CACNA1A: variants seen among roughly 807,000 people sequenced by gnomAD.
The protein encoded by CACNA1A is calcium voltage-gated channel subunit alpha1 A, also known as voltage-dependent P/Q-type calcium channel subunit alpha-1A.
A neutral mutation model predicts 262.4 loss-of-function variants in CACNA1A; 57 were observed. The ratio of observed to expected loss-of-function variants is 0.22; its 90% CI spans 0.18 to 0.27. The LOEUF (loss-of-function observed/expected upper bound fraction) is 0.27. Ranked by LOEUF, CACNA1A falls within the 10% of genes least tolerant of loss-of-function variation. CACNA1A has a pLI of 1.00. For synonymous variants in CACNA1A, 1,431 were observed against 1,419.3 expected, an observed-to-expected ratio of 1.01 and a Z score of -0.18; for missense variants, 2,526 against 3,562.8, an observed-to-expected ratio of 0.71 and a Z score of 7.41.
At position 13,334,354 on chromosome 19, in the gene CACNA1A, G is replaced by A. The variant is rs757974234; in HGVS notation, c.1198+24C>T. 2.5e-6 allele frequency: 3 copies of A among 1,207,710 alleles called. No homozygotes were observed. In the Admixed American group the frequency reaches 5.0e-5, roughly 20 times the overall value. The allele number at this position is 1,207,710 out of a possible 1,614,324, so 74.8% of individuals were successfully genotyped here. On this transcript the variant is annotated intron_variant, in intron 8 of 46. Transcript: ENST00000360228. ...CCGTGGCCTGGGATCTCCATCCCTG[G>A]GCCCCAGGATGAAAGGGCCTCACCT...
At chr19:13,352,676 G>A (rs2058934184) in intron 6 of CACNA1A, among the ~76,000 whole-genome samples, 1 of 152,174 alleles carries the variant, frequency 6.6e-6, no homozygotes. Flanking sequence ...TGCTGGGAAT[G>A]CTGTTTCCAA....
chr19:13,351,029 G>A (rs933520061), intron 6 of CACNA1A, among the ~76,000 whole-genome samples: 3 of 152,158 alleles, frequency 2.0e-5, no homozygotes, highest in African/African-American at 4.8e-5. Context: ...TGGGAAGAAC[G>A]CTATATAGGC....
At chr19:13,399,326 GCAATTCT>G (rs2059859785) in intron 3 of CACNA1A, among the ~76,000 whole-genome samples, 1 of 151,662 alleles carries the variant, frequency 6.6e-6, no homozygotes, top group African/African-American at 2.4e-5. Flanking sequence ...CGGTTAATGA[GCAATTCT>G]GACTTCCTCC....
intron 3 of CACNA1A, among the ~76,000 whole-genome samples, chr19:13,418,568 A>G (rs2075668220): frequency 6.6e-6 from 1 of 152,160 alleles, no homozygotes; most frequent in African/African-American, 2.4e-5. Flanking sequence ...ATGACACAGC[A>G]GAAGAGGGAA....
At chr19:13,300,431 T>C in intron 18 of CACNA1A, 119 bp downstream of exon 18, 2 of 708,560 alleles carry the variant, frequency 2.8e-6, no homozygotes, top group South Asian at 3.4e-5. Context: ...GGACAAGAAG[T>C]GTCTCTTCCT....
chr19:13,362,753 TCTAA>T (rs1181877356), intron 5 of CACNA1A: 2 of 152,166 alleles, frequency 1.3e-5, no homozygotes, highest in Admixed American at 1.3e-4. Context: ...TCTTGTTTCC[TCTAA>T]CTATTTTGGA....
Position 13,308,176 on chromosome 19 carries a change from G to C in CACNA1A, c.1857C>G (p.Leu619=). 1.2e-6 allele frequency: 2 copies of C among 1,614,008 alleles called. No homozygotes were observed. The highest frequency in any genetic ancestry group is 1.7e-6 in the Non-Finnish European group (2 of 1,179,876). The part of the protein sequence containing the change: ...SMKSIISLLF[L]LFLFIVVFAL... Reference sequence around the variant, plus strand: ...CGAAGACGACAATGAACAGGAAAAGGAGAAACAACAGGCTGATGATGGACT... The same window carrying C: ...CGAAGACGACAATGAACAGGAAAAGCAGAAACAACAGGCTGATGATGGACT... The change falls in exon 14 of 47, where the codon CTC becomes CTG. Residue 619 remains leucine, a synonymous_variant. Transcript: ENST00000360228. This position sits in a 1 kb window ranked among gnomAD's most constrained non-coding sequence, Gnocchi z 4.2.
At chr19:13,494,936 A>C (rs1981317162) in intron 1 of CACNA1A, among the ~76,000 whole-genome samples, 1 of 152,130 alleles carries the variant, frequency 6.6e-6, no homozygotes, top group South Asian at 2.1e-4. Flanking sequence ...ACACAGAGAA[A>C]AACCATATCA....
At chr19:13,240,149 TAAAA>T (rs60352550) in intron 31 of CACNA1A, among the ~76,000 whole-genome samples, 2 of 119,764 alleles carry the variant, frequency 1.7e-5, no homozygotes, top group Admixed American at 8.2e-5. Context: ...AGACTCTGTC[TAAAA>T]AAAAAAAAAA....
At chr19:13,349,678 G>C (rs1163978770) in intron 6 of CACNA1A, among the ~76,000 whole-genome samples, 1 of 152,218 alleles carries the variant, frequency 6.6e-6, no homozygotes, top group East Asian at 1.9e-4. Flanking sequence ...GGCAGAATCT[G>C]AGGATGTTGA....
rs150752041 is a variant in CACNA1A, at chr19:13,440,203, A to G, written c.539+12673T>C. 4.3e-4 allele frequency among the ~76,000 whole-genome samples: 65 copies of G among 152,232 alleles called. No individual in the cohort carries two copies. The East Asian group carries it at 0.011, about 25-fold the overall frequency. ...CAAACTCCTGGGCTTGGCTCAAGCT[A>G]TCCTCCTGCCTTGGCGTCCCAAAGT... On this transcript the variant is annotated intron_variant, in intron 3 of 46. Transcript: ENST00000360228.
chr19:13,377,454 G>A (rs1222601223), intron 3 of CACNA1A, among the ~76,000 whole-genome samples: 2 of 150,164 alleles, frequency 1.3e-5, no homozygotes, highest in Non-Finnish European at 3.0e-5. Flanking sequence ...CTGTCTTCAA[G>A]AGGGTTCAAG....
At chr19:13,253,736 C>A (rs1449668756) in intron 29 of CACNA1A, among the ~76,000 whole-genome samples, 1 of 145,498 alleles carries the variant, frequency 6.9e-6, no homozygotes, top group Non-Finnish European at 1.5e-5. Context: ...GAGCCACCGT[C>A]CCCGGCTTCC....
chr19:13,488,707 T>C (rs1422566934), intron 1 of CACNA1A, among the ~76,000 whole-genome samples: 1 of 151,866 alleles, frequency 6.6e-6, no homozygotes, highest in Non-Finnish European at 1.5e-5. Flanking sequence ...GCCTCAGCAT[T>C]TTTAAAGCTT....
At chr19:13,443,256 C>G (rs1353421901) in intron 3 of CACNA1A, among the ~76,000 whole-genome samples, 1 of 152,184 alleles carries the variant, frequency 6.6e-6, no homozygotes, top group Non-Finnish European at 1.5e-5. Flanking sequence ...AGACAGTAAG[C>G]ATTTAATGTC....
At chr19:13,242,306 C>T (rs2056101820) in intron 31 of CACNA1A, among the ~76,000 whole-genome samples, 1 of 152,048 alleles carries the variant, frequency 6.6e-6, no homozygotes, top group African/African-American at 2.4e-5. Context: ...TCTTCCTTTT[C>T]TTTTTGAGAC....
intron 19 of CACNA1A, among the ~76,000 whole-genome samples, chr19:13,288,267 C>A (rs2057453800): frequency 6.9e-6 from 1 of 145,334 alleles, no homozygotes; most frequent in Non-Finnish European, 1.5e-5. Context: ...TGAGACAGAG[C>A]CTCACTCTGT....
chr19:13,411,075 A>G (rs1445244314), intron 3 of CACNA1A, among the ~76,000 whole-genome samples: 1 of 152,138 alleles, frequency 6.6e-6, no homozygotes, highest in Non-Finnish European at 1.5e-5. Flanking sequence ...TTAGACTCCA[A>G]TTCCTATTAG....
At position 13,207,854 on chromosome 19, in the gene CACNA1A, ACCGC is replaced by A. The variant is rs769147002; in HGVS notation, c.6976_6979del (p.Ala2326TrpfsTer281). On this transcript the variant is annotated frameshift_variant, in exon 47 of 47. Coordinates refer to ENST00000360228, the MANE Select transcript of CACNA1A (RefSeq NM_001127222.2). LOFTEE classifies it low-confidence loss of function (END_TRUNC). This position sits in a 1 kb window ranked among gnomAD's most constrained non-coding sequence, Gnocchi z 5.7. ...GGTGGCCGCCCGGCCCGGCCTGGCC[ACCGC>A]CTGCTGCTGCTGCTGCTGCTGCTGC... The A allele has an allele frequency of 2.9e-5, 41 of 1,437,288 alleles. 1 individual carries two copies. The South Asian group carries it at 4.2e-4, about 15-fold the overall frequency. 89.0% of individuals were successfully genotyped at this position (1,437,288 alleles called of 1,614,324 possible). A position where few individuals can be genotyped will look rare whatever the true frequency, so the allele number is the denominator to read the frequency against.
Sources: allele counts gnomAD v4.1 joint callset (sites outside exome capture counted in the v4.1 genomes callset), GRCh38; gene constraint gnomAD v4.1.1; non-coding constraint Gnocchi (gnomAD v3.1); transcripts MANE v1.5; gene names NCBI Gene and HGNC (gene_info 2026-07-23, HGNC 2026-07-21).